LITAF: variants seen among roughly 807,000 people sequenced by gnomAD.
LITAF encodes lipopolysaccharide-induced tumor necrosis factor-alpha factor.
A neutral mutation model predicts 14.5 loss-of-function variants in LITAF; 9 were observed. That is an observed-to-expected ratio of 0.62 (90% confidence interval 0.37 to 1.08). The LOEUF (loss-of-function observed/expected upper bound fraction) is 1.08. LITAF is among the 50% of genes least tolerant of loss of function. The pLI, the probability that LITAF is intolerant of heterozygous loss-of-function variation, is 0.01. For synonymous variants in LITAF, 98 were observed against 88.2 expected, an observed-to-expected ratio of 1.11 and a Z score of -0.62; for missense variants, 206 against 213.4, an observed-to-expected ratio of 0.97 and a Z score of 0.22.
chr16:11,607,804 G>A (rs1024291238), intron 3 of LITAF, among the ~76,000 whole-genome samples: 3 of 152,110 alleles, frequency 2.0e-5, no homozygotes, highest in African/African-American at 2.4e-5. Context: ...TGTTATGGGC[G>A]CTTGCCTGTG....
chr16:11,638,096 CTATA>C (rs3028603), upstream of LITAF, among the ~76,000 whole-genome samples: 1,140 of 64,394 alleles, frequency 0.018, 140 homozygotes, highest in Admixed American at 0.13. Flanking sequence ...ATCTATCTAT[CTATA>C]TATATATATC....
intron 1 of LITAF, among the ~76,000 whole-genome samples, chr16:11,572,129 T>A (rs1177003646): frequency 6.6e-6 from 1 of 151,556 alleles, no homozygotes; most frequent in Non-Finnish European, 1.5e-5. Flanking sequence ...AATAAACAGA[T>A]CAAAACAAAA....
At chr16:11,592,350 C>A (rs578206057) in intron 1 of LITAF, among the ~76,000 whole-genome samples, 3 of 152,084 alleles carry the variant, frequency 2.0e-5, no homozygotes, top group Non-Finnish European at 4.4e-5. Context: ...CTGAGGCGGG[C>A]GGCTCACCAG....
At chr16:11,562,433 G>A (rs1056580011) in intron 1 of LITAF, among the ~76,000 whole-genome samples, 2 of 151,962 alleles carry the variant, frequency 1.3e-5, no homozygotes, top group Non-Finnish European at 2.9e-5. Flanking sequence ...AAATGTGACC[G>A]GTGGTGACAG....
intron 1 of LITAF, among the ~76,000 whole-genome samples, chr16:11,576,126 C>T (rs970342449): frequency 3.3e-5 from 5 of 152,128 alleles, no homozygotes; most frequent in African/African-American, 1.2e-4. Flanking sequence ...CCTCCCAAAG[C>T]GTTGGGATTA....
chr16:11,613,977 C>G (rs776256933), intron 3 of LITAF, among the ~76,000 whole-genome samples: 31 of 152,166 alleles, frequency 2.0e-4, no homozygotes, highest in Non-Finnish European at 3.8e-4. Flanking sequence ...CCTGGCAGGT[C>G]CTGAGATTTG....
At chr16:11,580,237 A>G (rs2064711302) in intron 1 of LITAF, among the ~76,000 whole-genome samples, 1 of 152,068 alleles carries the variant, frequency 6.6e-6, no homozygotes, top group South Asian at 2.1e-4. Context: ...AGTGACTATC[A>G]TAGGACCCTC....
chr16:11,592,927 T>G (rs112535243), intron 1 of LITAF, among the ~76,000 whole-genome samples: 1 of 151,980 alleles, frequency 6.6e-6, no homozygotes, highest in Non-Finnish European at 1.5e-5. Flanking sequence ...TCCCAGCACT[T>G]TGGGAGGCCG....
upstream of LITAF, chr16:11,587,232 C>A: frequency 2.6e-6 from 1 of 382,620 alleles, no homozygotes; most frequent in Admixed American, 3.2e-5. Flanking sequence ...CCCACCCGTC[C>A]GCCCCCGACA....
intron 3 of LITAF, among the ~76,000 whole-genome samples, chr16:11,626,227 G>A (rs556170774): frequency 7.2e-5 from 11 of 152,188 alleles, no homozygotes; most frequent in African/African-American, 2.6e-4. Flanking sequence ...GAGTCTTGCT[G>A]GAGTGCAGTG....
chr16:11,600,900 C>T (rs887268760), upstream of LITAF, among the ~76,000 whole-genome samples: 8 of 152,154 alleles, frequency 5.3e-5, no homozygotes, highest in Non-Finnish European at 8.8e-5. The surrounding 1 kb of genome is among the most constrained non-coding windows in gnomAD (Gnocchi z 4.1). Flanking sequence ...TACAAGAGCT[C>T]GGGAACTGCC....
chr16:11,625,010 A>G (rs1001230040), intron 3 of LITAF, among the ~76,000 whole-genome samples: 40 of 152,098 alleles, frequency 2.6e-4, no homozygotes, highest in African/African-American at 9.7e-4. Flanking sequence ...AGGTGCCCCA[A>G]CCAACCAGCT....
intron 1 of LITAF, among the ~76,000 whole-genome samples, chr16:11,572,165 C>T (rs905336108): frequency 6.6e-6 from 1 of 152,060 alleles, no homozygotes; most frequent in East Asian, 1.9e-4. Context: ...AGCCTGGGTC[C>T]TCAGCCCCTC....
At chr16:11,570,409 G>T (rs1018752455) in intron 1 of LITAF, among the ~76,000 whole-genome samples, 6 of 152,130 alleles carry the variant, frequency 3.9e-5, no homozygotes, top group Non-Finnish European at 8.8e-5. Flanking sequence ...ACCTCATCCC[G>T]CCACAGGGAC....
chr16:11,566,573 G>A (rs1167496783), intron 1 of LITAF, among the ~76,000 whole-genome samples: 3 of 152,144 alleles, frequency 2.0e-5, no homozygotes, highest in African/African-American at 4.8e-5. Context: ...AGACCGGCCC[G>A]GGCAACATAG....
intron 1 of LITAF, among the ~76,000 whole-genome samples, chr16:11,566,689 T>G (rs1204101916): frequency 2.0e-5 from 3 of 152,058 alleles, no homozygotes; most frequent in Non-Finnish European, 4.4e-5. Context: ...CCTCGATCAC[T>G]TGAGCCCAGG....
intron 1 of LITAF, among the ~76,000 whole-genome samples, chr16:11,577,142 A>ACGT (rs746322490): frequency 3.9e-5 from 6 of 152,138 alleles, no homozygotes; most frequent in Non-Finnish European, 7.3e-5. Flanking sequence ...GGACCATATT[A>ACGT]CGTTACTCTC....
chr16:11,599,610 C>T (rs1396786558), upstream of LITAF, among the ~76,000 whole-genome samples: 1 of 152,140 alleles, frequency 6.6e-6, no homozygotes, highest in African/African-American at 2.4e-5. Context: ...AAACCACCCC[C>T]TACCTGAGCT....
chr16:11,613,066 G>A (rs1258991624), intron 3 of LITAF, among the ~76,000 whole-genome samples: 1 of 152,152 alleles, frequency 6.6e-6, no homozygotes, highest in African/African-American at 2.4e-5. Context: ...TTTAGATGGA[G>A]TTTCGCTCTG....
Sources: allele counts gnomAD v4.1 joint callset (sites outside exome capture counted in the v4.1 genomes callset), GRCh38; gene constraint gnomAD v4.1.1; non-coding constraint Gnocchi (gnomAD v3.1); transcripts MANE v1.5; gene names NCBI Gene and HGNC (gene_info 2026-07-23, HGNC 2026-07-21).